Variants in UNC80 observed in about 807,000 individuals in gnomAD.
The protein encoded by UNC80 is protein unc-80 homolog.
In UNC80, 164 loss-of-function variants were observed where a neutral mutation model predicts 384.6. That is an observed-to-expected ratio of 0.43 (90% CI 0.38 to 0.49). UNC80 has a LOEUF of 0.49. Ranked by LOEUF, UNC80 falls within the 20% of genes least tolerant of loss-of-function variation. UNC80 has a pLI of 0.00. For synonymous variants in UNC80, 1,486 were observed against 1,527.8 expected (o/e 0.97, Z 0.64); for missense variants, 3,330 against 4,143.0 (o/e 0.80, Z 5.39).
chr2:209,932,067 C>T (rs961419586), intron 38 of UNC80, among the ~76,000 whole-genome samples: 3 of 152,188 alleles, frequency 2.0e-5, no homozygotes, highest in African/African-American at 7.2e-5. Context: ...GTTCTTAAGT[C>T]TGGCTGGTTG....
chr2:209,794,094 A>C (rs2078006975), intron 7 of UNC80, among the ~76,000 whole-genome samples: 1 of 152,218 alleles, frequency 6.6e-6, no homozygotes, highest in Non-Finnish European at 1.5e-5. Flanking sequence ...GAGATGTCTG[A>C]ATTAGGTGTT....
Position 209,839,781 on chromosome 2 carries a change from A to T in UNC80, c.3250+351A>T, listed in dbSNP as rs2081603174. ...TATGAATTTTATGAAGGAAATATAC[A>T]TAGTTCTACGAAAGCATGCAACAAT... On this transcript the variant is annotated intron_variant, in intron 19 of 64. Transcript: ENST00000673920. The surrounding 1 kb of genome is among the most constrained non-coding windows in gnomAD (Gnocchi z 4.1). Among the ~76,000 whole-genome samples the T allele has an allele frequency of 6.6e-6, 1 of 152,240 alleles. No individual in the cohort carries two copies. Among genetic ancestry groups the T allele is most frequent in the South Asian group, 2.1e-4 (1 of 4,830 alleles).
At chr2:209,946,100 C>T (rs1383145857) in intron 47 of UNC80, among the ~76,000 whole-genome samples, 157 bp downstream of exon 47, 1 of 152,080 alleles carries the variant, frequency 6.6e-6, no homozygotes, top group Non-Finnish European at 1.5e-5. Context: ...GTGGCTCACA[C>T]CTATAATCCC....
In UNC80 at chr2:209,872,388, CA is replaced by C. The variant is rs545652261; in HGVS notation, c.3628-363del. ...TTTGCTTCATGTAAAATTTAGGGTT[CA>C]AAAAAAGATTCATCTTTAAGACCTC... On this transcript the variant is annotated intron_variant, in intron 22 of 64. Transcript: ENST00000673920. The surrounding 1 kb of genome is among the most constrained non-coding windows in gnomAD (Gnocchi z 4.1). Among the ~76,000 whole-genome samples, 4 of 152,088 alleles carry C rather than the reference CA, an allele frequency of 2.6e-5. No homozygotes were observed. Among genetic ancestry groups the C allele is most frequent in the South Asian group, 4.1e-4 (2 of 4,824 alleles).
rs367953994 is a variant in UNC80, at chr2:209,825,957, C to T, written c.2382C>T (p.Ile794=). The T allele has an allele frequency of 1.2e-3, 1,909 of 1,550,886 alleles. 3 individuals are homozygous for T. Among genetic ancestry groups the T allele is most frequent in the Non-Finnish European group, 1.5e-3 (1,717 of 1,146,508 alleles). Residue 794 remains isoleucine (I), a synonymous_variant, in exon 14 of 65, where the codon ATC becomes ATT. Transcript: ENST00000673920. ...SNHRLALTML[I]KIVKSLGCAY... is the part of the protein sequence containing the mutation. Reference sequence around the variant, plus strand: ...ATAGGCTTGCTCTAACAATGCTCATCAAAATAGTGAAGTCTTTGGGATGTG... The same window carrying T: ...ATAGGCTTGCTCTAACAATGCTCATTAAAATAGTGAAGTCTTTGGGATGTG...
intron 25 of UNC80, among the ~76,000 whole-genome samples, chr2:209,887,459 A>C (rs2085929757): frequency 6.6e-6 from 1 of 152,188 alleles, no homozygotes; most frequent in Non-Finnish European, 1.5e-5. Context: ...GGGCCCATTT[A>C]GCTAGCCCAG....
At chr2:209,905,509 A>G (rs1432485571) in intron 29 of UNC80, among the ~76,000 whole-genome samples, 6 of 152,186 alleles carry the variant, frequency 3.9e-5, no homozygotes, top group Non-Finnish European at 8.8e-5. Context: ...GAAGCTAGAT[A>G]AGACAAGGAA....
In UNC80 at chr2:209,878,017, G is replaced by A; in HGVS notation, c.3904G>A (p.Gly1302Ser). The A allele has an allele frequency of 6.5e-7, 1 of 1,546,132 alleles. No homozygotes were observed. The highest frequency in any genetic ancestry group is 1.2e-5 in the South Asian group (1 of 83,086). Residue 1302 changes from glycine (G) to serine (S), a missense_variant, in exon 24 of 65, where the codon GGT (glycine) becomes AGT (serine). This residue lies in a region of UNC80 where 801 missense variants were observed against 950.8 expected (regional missense o/e 0.84). Transcript: ENST00000673920. ...AAGTGAGAGCCCAGCCAACCTGCTGGGTCTCATTTACGATGAAGAGACCAA... is the reference window on the plus strand; with the variant it reads ...AAGTGAGAGCCCAGCCAACCTGCTGAGTCTCATTTACGATGAAGAGACCAA... ...GESESPANLL[G>S]LIYDEETKRR...
chr2:209,781,947 C>T (rs2077174335), intron 4 of UNC80, among the ~76,000 whole-genome samples: 1 of 152,216 alleles, frequency 6.6e-6, no homozygotes, highest in East Asian at 1.9e-4. Context: ...CACTATCCCT[C>T]ATCCTTACTT....
chr2:209,874,762 A>G (rs923586049), intron 23 of UNC80, among the ~76,000 whole-genome samples: 3 of 152,194 alleles, frequency 2.0e-5, no homozygotes, highest in African/African-American at 7.2e-5. Context: ...TTCCCTAACC[A>G]TAGCAGTTTT....
In UNC80 at chr2:209,976,374, A is replaced by G. The variant is rs2125017006; in HGVS notation, c.8772+71A>G. 2.6e-6 allele frequency: 4 copies of G among 1,543,238 alleles called. No homozygotes were observed. The East Asian group carries it at 9.8e-5, about 38-fold the overall frequency. On this transcript the variant is annotated intron_variant, in intron 57 of 64. Transcript: ENST00000673920. This position sits in a 1 kb window ranked among gnomAD's most constrained non-coding sequence, Gnocchi z 4.3. ...TGTGTGGCTCTCTACTGAGGCAGGA[A>G]TATGGCAGGAGTGCTCATGGTACCT...
In UNC80 at chr2:209,955,738, TACACACACAC is replaced by T. The variant is rs1156428874; in HGVS notation, c.7457+1480_7457+1489del. The stretch of plus-strand genomic sequence containing the variant: ...ATATATATATATATATATATATATA[TACACACACAC>T]ACACACACACAGAGAGAGACTGACT... On this transcript the variant is annotated intron_variant, in intron 48 of 64. Transcript: ENST00000673920. Among the ~76,000 whole-genome samples the T allele has an allele frequency of 1.4e-3, 77 of 53,516 alleles. 1 individual carries two copies. Among genetic ancestry groups the T allele is most frequent in the African/African-American group, 7.6e-3 (75 of 9,842 alleles). 35.1% of individuals were successfully genotyped at this position (53,516 alleles called of 152,430 possible). A position where few individuals can be genotyped will look rare whatever the true frequency, so the allele number is the denominator to read the frequency against.
intron 47 of UNC80, among the ~76,000 whole-genome samples, chr2:209,949,470 C>CG (rs1240245723): frequency 6.6e-6 from 1 of 151,698 alleles, no homozygotes; most frequent in Non-Finnish European, 1.5e-5. Context: ...ACCCACCCCC[C>CG]GCTTTTTAAT....
Position 209,793,752 on chromosome 2 carries a change from T to C in UNC80, c.831T>C (p.Ser277=), listed in dbSNP as rs1198134364. 3 of 1,614,184 alleles carry C rather than the reference T, an allele frequency of 1.9e-6. No homozygotes were observed. The highest frequency in any genetic ancestry group is 1.6e-4 in the Middle Eastern group (1 of 6,062). ...AGGTGGTTTGTGAAACATTCCAGTC[T>C]GATTCCATCTCACCCAAGGCCACCA... ...GLQVVCETFQ[S]DSISPKATIS... is the part of the protein sequence containing the mutation. The change falls in exon 7 of 65, where the codon TCT becomes TCC. Residue 277 remains serine (S), a synonymous_variant. Coordinates refer to ENST00000673920, the MANE Select transcript of UNC80 (RefSeq NM_001371986.1).
chr2:209,805,226 C>T (rs1402610515), intron 7 of UNC80, among the ~76,000 whole-genome samples: 1 of 152,210 alleles, frequency 6.6e-6, no homozygotes, highest in East Asian at 1.9e-4. Context: ...TAACTTTCCA[C>T]ATCACAGCTA....
chr2:209,794,806 A>T (rs2078053196), intron 7 of UNC80: 1 of 454,964 alleles, frequency 2.2e-6, no homozygotes, highest in African/African-American at 2.0e-5. Flanking sequence ...AGCACCTTTC[A>T]CTTCCCACCA....
At chr2:209,952,685 C>T (rs1364810168) in intron 47 of UNC80, among the ~76,000 whole-genome samples, 1 of 152,142 alleles carries the variant, frequency 6.6e-6, no homozygotes, top group African/African-American at 2.4e-5. Context: ...CTGGTACCTC[C>T]AAAAGATATC....
At chr2:209,805,118 A>C (rs780799633) in intron 7 of UNC80, among the ~76,000 whole-genome samples, 7 of 152,088 alleles carry the variant, frequency 4.6e-5, no homozygotes, top group Non-Finnish European at 1.0e-4. Flanking sequence ...TTCTCCCTCA[A>C]CTTACTATAA....
At position 209,872,961 on chromosome 2, in the gene UNC80, A is replaced by G. The variant is rs1283392106; in HGVS notation, c.3831A>G (p.Gln1277=). 3 of 1,551,494 alleles carry G rather than the reference A, an allele frequency of 1.9e-6. No homozygotes were observed. Among genetic ancestry groups the G allele is most frequent in the Non-Finnish European group, 2.6e-6 (3 of 1,146,940 alleles). The change falls in exon 23 of 65, where the codon CAA becomes CAG. Residue 1277 remains glutamine (Q), a synonymous_variant. Coordinates refer to ENST00000673920, the MANE Select transcript of UNC80 (RefSeq NM_001371986.1). This position sits in a 1 kb window ranked among gnomAD's most constrained non-coding sequence, Gnocchi z 4.1. ...GGAATGCAGCCAAGCTCTTCTACCA[A>G]TGGGGAGACGTGAGCTTTCGGTTTT... ...LQWNAAKLFY[Q]WGDAIGVRLN... is the part of the protein sequence containing the mutation.
Sources: gnomAD v4.1 joint callset for allele counts (sites outside exome capture counted in the v4.1 genomes callset) on GRCh38, gnomAD v4.1.1 for gene constraint, gnomAD v4.1.1 regional missense constraint, Gnocchi (gnomAD v3.1) non-coding constraint, MANE v1.5 for transcripts, NCBI Gene and HGNC (gene_info 2026-07-23, HGNC 2026-07-21) for gene names.